The following CCDC191 variants were observed in gnomAD, a reference collection of about 807,000 sequenced individuals.
The protein encoded by CCDC191 is coiled-coil domain-containing protein 191.
Under a neutral mutation model 114.0 loss-of-function variants are expected in CCDC191, and 99 were observed. That is an observed-to-expected ratio of 0.87 (90% CI 0.74 to 1.03). The LOEUF is 1.03. Ranked by LOEUF, CCDC191 falls within the 50% of genes least tolerant of loss-of-function variation. The pLI, the probability that CCDC191 is intolerant of heterozygous loss-of-function variation, is 0.00. For missense variants in CCDC191, 973 were observed against 1,087.0 expected, an observed-to-expected ratio of 0.90 and a Z score of 1.47; for synonymous variants, 351 against 376.0, an observed-to-expected ratio of 0.93 and a Z score of 0.77.
At chr3:113,997,712 AATAC>A (rs1172738052) in intron 13 of CCDC191, among the ~76,000 whole-genome samples, 1 of 152,228 alleles carries the variant, frequency 6.6e-6, no homozygotes, top group Non-Finnish European at 1.5e-5. Context: ...CAAAGTATAA[AATAC>A]ATATACAGTC....
At chr3:114,003,162 C>CG (rs1490192708) in intron 11 of CCDC191, 2 of 985,210 alleles carry the variant, frequency 2.0e-6, no homozygotes, top group Non-Finnish European at 1.2e-6. Context: ...TCTTGACAGG[C>CG]TATTAAATAT....
intron 16 of CCDC191, among the ~76,000 whole-genome samples, chr3:113,977,031 A>AAGAT (rs1238943046): frequency 1.3e-5 from 2 of 152,218 alleles, no homozygotes; most frequent in African/African-American, 4.8e-5. Flanking sequence ...TCATGGCAAT[A>AAGAT]AGATAGGAAC....
intron 13 of CCDC191, among the ~76,000 whole-genome samples, chr3:113,982,851 AAAAAAC>A (rs1431013989): frequency 9.1e-6 from 1 of 110,140 alleles, no homozygotes; most frequent in Non-Finnish European, 1.9e-5. Flanking sequence ...CTTCAAAACA[AAAAAAC>A]AAAAAAAAAA....
chr3:114,038,908 A>G (rs963784446), intron 4 of CCDC191, among the ~76,000 whole-genome samples: 4 of 152,170 alleles, frequency 2.6e-5, no homozygotes, highest in African/African-American at 9.6e-5. Context: ...GAAGAGCATC[A>G]GGAGAATAGG....
At chr3:114,027,618 A>G (rs577430407) in intron 7 of CCDC191, among the ~76,000 whole-genome samples, 7 of 148,858 alleles carry the variant, frequency 4.7e-5, no homozygotes, top group Middle Eastern at 3.9e-3. Context: ...AAAAAAAAAA[A>G]AAAAGAAAAA....
At position 114,010,795 on chromosome 3, in the gene CCDC191, C is replaced by G; in HGVS notation, c.1390G>C (p.Gly464Arg). 6.2e-7 allele frequency: 1 copy of G among 1,611,318 alleles called. No homozygotes were observed. ...ACCTGTCCATTTTTTACTGGTGGACCCACCATGGCTGTTGCCTCCTCAGGT... is the reference window on the plus strand; with the variant it reads ...ACCTGTCCATTTTTTACTGGTGGACGCACCATGGCTGTTGCCTCCTCAGGT... Reference protein sequence around the residue: ...SLPEEATAMVGPPVKNGQETA... With the variant: ...SLPEEATAMVRPPVKNGQETA... Residue 464 changes from glycine to arginine, a missense_variant, in exon 9 of 17, where the codon GGT becomes CGT. Gly to Arg is a moderately radical substitution (Grantham distance 125). Coordinates refer to ENST00000295878, the MANE Select transcript of CCDC191 (RefSeq NM_020817.2).
intron 5 of CCDC191, among the ~76,000 whole-genome samples, chr3:114,036,286 CAA>C (rs2076481720): frequency 6.6e-6 from 1 of 151,992 alleles, no homozygotes; most frequent in East Asian, 1.9e-4. Flanking sequence ...ATTTGAAAAC[CAA>C]ACTCAAGCAC....
chr3:113,969,201 TC>T (rs1055371261), intron 16 of CCDC191, among the ~76,000 whole-genome samples: 8 of 152,194 alleles, frequency 5.3e-5, no homozygotes, highest in African/African-American at 1.9e-4. Flanking sequence ...AGACTCCACT[TC>T]CGTCCAACAT....
intron 13 of CCDC191, among the ~76,000 whole-genome samples, chr3:114,000,643 ATCTCTC>A (rs57857818): frequency 1.3e-5 from 2 of 150,698 alleles, no homozygotes; most frequent in African/African-American, 4.9e-5. Flanking sequence ...GACTTTCTTG[ATCTCTC>A]TCTCTCTCTT....
rs1425346215 is a variant in CCDC191, at chr3:113,964,458, A to G, written c.*697T>C. ...GAGTACTAGAAGACAAACTGAGTGT[A>G]TTATTCAGCAGTTGCAGGTGGGAGC... On this transcript the variant is annotated 3_prime_UTR_variant, in exon 17 of 17. Transcript: ENST00000295878. 1 of 152,218 alleles carries G rather than the reference A, an allele frequency of 6.6e-6. No individual in the cohort carries two copies. The highest frequency in any genetic ancestry group is 1.5e-5 in the Non-Finnish European group (1 of 68,046). The allele number at this position is 152,218 out of a possible 1,614,324, so 9.4% of individuals were successfully genotyped here.
intron 2 of CCDC191, among the ~76,000 whole-genome samples, chr3:114,052,945 C>T (rs188311291): frequency 2.0e-5 from 3 of 152,248 alleles, no homozygotes; most frequent in South Asian, 2.1e-4. Flanking sequence ...TAAACTGACA[C>T]GCAGAAGCAC....
chr3:113,999,727 A>G (rs1193951831), intron 13 of CCDC191, among the ~76,000 whole-genome samples: 4 of 152,314 alleles, frequency 2.6e-5, no homozygotes, highest in Non-Finnish European at 4.4e-5. Context: ...AAACTGTGTC[A>G]TGAGTATTTT....
chr3:114,049,455 A>C (rs776636010), intron 2 of CCDC191, among the ~76,000 whole-genome samples: 2 of 152,242 alleles, frequency 1.3e-5, no homozygotes, highest in Non-Finnish European at 2.9e-5. Context: ...AAAAATCCAC[A>C]AACAAAAAAT....
At chr3:113,980,155 G>C (rs1366182761) in intron 14 of CCDC191, among the ~76,000 whole-genome samples, 1 of 152,162 alleles carries the variant, frequency 6.6e-6, no homozygotes, top group Non-Finnish European at 1.5e-5. Context: ...TTGTAGCTCT[G>C]ACAGTTGCCA....
At chr3:114,053,514 T>A (rs2076725044) in intron 2 of CCDC191, 83 bp downstream of exon 2, 3 of 731,836 alleles carry the variant, frequency 4.1e-6, no homozygotes, top group Non-Finnish European at 4.5e-6. Flanking sequence ...ATGTGCAAAG[T>A]GGAGATCTAT....
intron 7 of CCDC191, among the ~76,000 whole-genome samples, chr3:114,026,101 T>A (rs995802293): frequency 6.6e-6 from 1 of 152,164 alleles, no homozygotes; most frequent in African/African-American, 2.4e-5. Context: ...TAATCAGTAC[T>A]TTTTTTGAAA....
chr3:114,036,798 A>G lies in CCDC191; in HGVS notation c.416-12T>C. The G allele has an allele frequency of 6.6e-7, 1 of 1,504,594 alleles. No individual in the cohort carries two copies. The highest frequency in any genetic ancestry group is 1.4e-5 in the South Asian group (1 of 71,462). The allele number at this position is 1,504,594 out of a possible 1,614,324, so 93.2% of individuals were successfully genotyped here. ...ATAGCCACATAAATCTGGGGGAAAC[A>G]GAACAACAAAAAAGGGAATTTTTTT... On this transcript the variant is annotated splice_polypyrimidine_tract_variant and intron_variant, in intron 4 of 16. Transcript: ENST00000295878.
rs1207464399 is a variant in CCDC191, at chr3:114,006,612, ATAT to A, written c.1414-653_1414-651del. On this transcript the variant is annotated intron_variant, in intron 9 of 16. Transcript: ENST00000295878. ...GATATATATATATATATATATATAT[ATAT>A]ATAAATATATATATTTTATATATAA... is the stretch of plus-strand genomic sequence containing the variant. 1.6e-3 allele frequency among the ~76,000 whole-genome samples: 209 copies of A among 129,058 alleles called. 1 individual carries two copies. The East Asian group carries it at 0.031, about 19-fold the overall frequency. The allele number at this position is 129,058 out of a possible 152,430, so 84.7% of individuals were successfully genotyped here.
chr3:114,020,000 A>C (rs1287301722), intron 7 of CCDC191, among the ~76,000 whole-genome samples: 1 of 152,190 alleles, frequency 6.6e-6, no homozygotes, highest in Non-Finnish European at 1.5e-5. Context: ...TGGGAATGGT[A>C]AATCTGACAG....
Sources: gnomAD v4.1 joint callset for allele counts (sites outside exome capture counted in the v4.1 genomes callset) on GRCh38, gnomAD v4.1.1 for gene constraint, MANE v1.5 for transcripts, NCBI Gene and HGNC (gene_info 2026-07-23, HGNC 2026-07-21) for gene names.